Variants in SND1 observed in about 807,000 individuals in gnomAD.
The protein encoded by SND1 is staphylococcal nuclease and tudor domain containing 1.
SND1 carries 38 observed loss-of-function variants against 121.7 expected under a neutral mutation model. That is an observed-to-expected ratio of 0.31 (90% CI 0.24 to 0.41). The LOEUF is 0.41. Ranked by LOEUF, SND1 falls within the 10% of genes least tolerant of loss-of-function variation. The probability of loss-of-function intolerance (pLI) is 1.00; values close to 1 mark genes in which losing one functional copy is unlikely to be tolerated. For missense variants in SND1, 868 were observed against 1,184.6 expected (o/e 0.73, Z 3.92); for synonymous variants, 401 against 447.4 (o/e 0.90, Z 1.31).
chr7:127,986,822 C>G (rs1643980720), intron 15 of SND1, among the ~76,000 whole-genome samples: 1 of 152,212 alleles, frequency 6.6e-6, no homozygotes, highest in African/African-American at 2.4e-5. Context: ...TGAGTCCCCC[C>G]ATGGGGGATC....
intron 9 of SND1, among the ~76,000 whole-genome samples, chr7:127,711,603 T>A (rs1200979498): frequency 6.6e-6 from 1 of 152,166 alleles, no homozygotes; most frequent in African/African-American, 2.4e-5. Context: ...TTGAGCATAT[T>A]ATGCCTCAAT....
chr7:128,029,425 C>A lies in SND1; in HGVS notation c.1779+38369C>A, dbSNP rs778062327. 2 of 1,614,148 alleles carry A rather than the reference C, an allele frequency of 1.2e-6. No individual in the cohort carries two copies. The highest frequency in any genetic ancestry group is 1.1e-5 in the South Asian group (1 of 91,076). On this transcript the variant is annotated intron_variant, in intron 16 of 23. Coordinates refer to ENST00000354725, the MANE Select transcript of SND1 (RefSeq NM_014390.4). The surrounding 1 kb of genome is among the most constrained non-coding windows in gnomAD (Gnocchi z 4.2). ...ACGTGGGAAAAGTTCAAGGTGCCGT[C>A]GTTGAGGACAGAGATCCTTGGGTGG...
intron 10 of SND1, among the ~76,000 whole-genome samples, chr7:127,782,916 TC>T (rs1391115330): frequency 6.6e-6 from 1 of 152,200 alleles, no homozygotes; most frequent in Admixed American, 6.5e-5. Flanking sequence ...AGCATTATCT[TC>T]CTCCCCATTT....
intron 16 of SND1, among the ~76,000 whole-genome samples, chr7:128,062,439 C>T (rs1036780350): frequency 9.2e-5 from 14 of 152,284 alleles, no homozygotes; most frequent in African/African-American, 3.1e-4. Context: ...TTCCTTTCAC[C>T]CTCTGGTGCT....
chr7:128,088,398 T>C (rs1210596760), intron 21 of SND1, among the ~76,000 whole-genome samples: 1 of 149,942 alleles, frequency 6.7e-6, no homozygotes, highest in Non-Finnish European at 1.5e-5. Context: ...AAGTTCAAGG[T>C]TGCAGTGAGA....
intron 11 of SND1, among the ~76,000 whole-genome samples, chr7:127,813,900 C>T (rs949423891): frequency 2.0e-5 from 3 of 152,066 alleles, no homozygotes; most frequent in Non-Finnish European, 2.9e-5. Context: ...GTTGTAATAT[C>T]CTCTTTAAAA....
intron 12 of SND1, among the ~76,000 whole-genome samples, chr7:127,874,243 C>T (rs1799649486): frequency 6.6e-6 from 1 of 152,106 alleles, no homozygotes; most frequent in African/African-American, 2.4e-5. Context: ...CTGTGGTGTA[C>T]AGCTTAGCAT....
chr7:127,893,449 A>G (rs1431188321), intron 13 of SND1, among the ~76,000 whole-genome samples: 1 of 152,114 alleles, frequency 6.6e-6, no homozygotes, highest in Non-Finnish European at 1.5e-5. Flanking sequence ...TTGCAGGAAA[A>G]CACAGAAGTT....
At chr7:127,660,278 T>G (rs1292357971) in intron 1 of SND1, among the ~76,000 whole-genome samples, 3 of 152,116 alleles carry the variant, frequency 2.0e-5, no homozygotes, top group African/African-American at 7.2e-5. Context: ...CACTGTGACA[T>G]TTTCCTGGTG....
intron 16 of SND1, among the ~76,000 whole-genome samples, chr7:128,044,597 G>A (rs1240106548): frequency 6.6e-6 from 1 of 151,128 alleles, no homozygotes; most frequent in Non-Finnish European, 1.5e-5. Flanking sequence ...AATAAAAAAG[G>A]AGCTCATCTT....
At chr7:127,731,687 C>G (rs527438731) in intron 10 of SND1, among the ~76,000 whole-genome samples, 5 of 152,196 alleles carry the variant, frequency 3.3e-5, no homozygotes, top group Non-Finnish European at 7.3e-5. Context: ...TCAGCACTGT[C>G]AGAGTTCAGG....
At chr7:127,798,386 G>C (rs1232963815) in intron 10 of SND1, among the ~76,000 whole-genome samples, 1 of 152,168 alleles carries the variant, frequency 6.6e-6, no homozygotes, top group African/African-American at 2.4e-5. Flanking sequence ...GCCTACTCTT[G>C]CCATTCCTGT....
At chr7:127,681,858 C>A (rs1311463178) in intron 1 of SND1, among the ~76,000 whole-genome samples, 1 of 152,146 alleles carries the variant, frequency 6.6e-6, no homozygotes, top group East Asian at 1.9e-4. Context: ...TGCCCTTGTT[C>A]TTTATGTTGG....
chr7:128,069,659 G>A (rs938696251), intron 16 of SND1, among the ~76,000 whole-genome samples: 2 of 152,312 alleles, frequency 1.3e-5, no homozygotes, highest in South Asian at 2.1e-4. Flanking sequence ...TATGATGATC[G>A]TGTTGAAGCA....
chr7:128,013,959 C>A (rs1017373591), intron 16 of SND1, among the ~76,000 whole-genome samples: 1 of 152,226 alleles, frequency 6.6e-6, no homozygotes, highest in African/African-American at 2.4e-5. Flanking sequence ...AGGGTAATCT[C>A]TCTGTGCCTT....
chr7:127,785,111 G>T (rs1206281292), intron 10 of SND1, among the ~76,000 whole-genome samples: 1 of 152,104 alleles, frequency 6.6e-6, no homozygotes, highest in Non-Finnish European at 1.5e-5. Context: ...ATCTCACTAT[G>T]CTGCTCAGGC....
At chr7:128,043,863 TACACACACACAC>T (rs10591985) in intron 16 of SND1, among the ~76,000 whole-genome samples, 3 of 149,570 alleles carry the variant, frequency 2.0e-5, no homozygotes, top group Admixed American at 1.3e-4. Context: ...TATACACATA[TACACACACACAC>T]ACACACACAC....
At chr7:127,883,736 C>T (rs1799841754) in intron 12 of SND1, among the ~76,000 whole-genome samples, 1 of 152,124 alleles carries the variant, frequency 6.6e-6, no homozygotes, top group African/African-American at 2.4e-5. Flanking sequence ...TCAGGTGTTG[C>T]AGTTAGAGGT....
At chr7:127,773,344 C>T (rs1000416421) in intron 10 of SND1, among the ~76,000 whole-genome samples, 2 of 151,742 alleles carry the variant, frequency 1.3e-5, no homozygotes, top group African/African-American at 4.8e-5. Context: ...CCCAGCTACT[C>T]AGGAGGCTGA....
Sources: allele counts gnomAD v4.1 joint callset (sites outside exome capture counted in the v4.1 genomes callset), GRCh38; gene constraint gnomAD v4.1.1; non-coding constraint Gnocchi (gnomAD v3.1); transcripts MANE v1.5; gene names NCBI Gene and HGNC (gene_info 2026-07-23, HGNC 2026-07-21).